The following CLK3 variants were observed in gnomAD, a reference collection of about 807,000 sequenced individuals.
The protein encoded by CLK3 is dual specificity protein kinase CLK3.
In CLK3, 24 loss-of-function variants were observed where a neutral mutation model predicts 65.2. That is an observed-to-expected ratio of 0.37 (90% CI 0.27 to 0.52). The LOEUF (loss-of-function observed/expected upper bound fraction) is 0.52. CLK3 is among the 20% of genes least tolerant of loss of function. CLK3 has a pLI of 0.92. For missense variants in CLK3, 506 were observed against 660.0 expected (o/e 0.77, Z 2.56); for synonymous variants, 252 against 240.8 (o/e 1.05, Z -0.43).
At chr15:74,611,366 T>C (rs2061987126), upstream of CLK3, among the ~76,000 whole-genome samples, 1 of 152,214 alleles carries the variant, frequency 6.6e-6, no homozygotes, top group East Asian at 1.9e-4. Flanking sequence ...TCCTTTCAGC[T>C]ACAGAAAGCC....
In CLK3 at chr15:74,625,131, C is replaced by T. The variant is rs1316175831; in HGVS notation, c.650+113C>T. 6 of 758,298 alleles carry T rather than the reference C, an allele frequency of 7.9e-6. No homozygotes were observed. In the Admixed American group the frequency reaches 1.3e-4, roughly 17 times the overall value. The allele number at this position is 758,298 out of a possible 1,614,324, so 47.0% of individuals were successfully genotyped here. ...CTGTGCCTTCTCCCCACACTCAGAACCAGGGGAGTGTGGCAAAGGTCTTGC... is the reference window on the plus strand; with the variant it reads ...CTGTGCCTTCTCCCCACACTCAGAATCAGGGGAGTGTGGCAAAGGTCTTGC... On this transcript the variant is annotated intron_variant, in intron 6 of 12. Coordinates refer to ENST00000395066, the MANE Select transcript of CLK3 (RefSeq NM_001130028.2).
intron 2 of CLK3, 134 bp downstream of exon 2, chr15:74,619,482 C>A: frequency 1.1e-6 from 1 of 885,706 alleles, no homozygotes; most frequent in Non-Finnish European, 1.7e-6. Context: ...CTTTGGGCTC[C>A]TCCACTAACC....
At chr15:74,617,658 G>C (rs12441932) in intron 1 of CLK3, among the ~76,000 whole-genome samples, 40,066 of 152,162 alleles carry the variant, frequency 0.26, 7,218 homozygotes, top group East Asian at 0.54. Flanking sequence ...AGTCTTTGGC[G>C]TGGTGTGACT....
upstream of CLK3, among the ~76,000 whole-genome samples, chr15:74,614,601 C>T (rs972380034): frequency 5.3e-5 from 8 of 152,236 alleles, no homozygotes; most frequent in African/African-American, 1.9e-4. Context: ...CAAATCACGC[C>T]TTGAAACCCC....
chr15:74,615,579 G>T (rs1039864183), upstream of CLK3: 2 of 1,265,680 alleles, frequency 1.6e-6, no homozygotes, highest in Non-Finnish European at 2.0e-6. Context: ...CAGCCGGCCC[G>T]GGCCGCGCAC....
intron 12 of CLK3, 117 bp downstream of exon 12, chr15:74,629,149 T>C (rs2062170967): frequency 1.2e-6 from 1 of 821,220 alleles, no homozygotes; most frequent in Non-Finnish European, 2.1e-6. Flanking sequence ...TCCAGCTCTA[T>C]GGGAGGCGGC....
chr15:74,610,168 C>G (rs1046676551), intron 1 of CLK3, among the ~76,000 whole-genome samples: 3 of 152,286 alleles, frequency 2.0e-5, no homozygotes, highest in Admixed American at 6.5e-5. Context: ...GGCCAACAGG[C>G]TGTTGGGTCA....
At chr15:74,620,396 G>A in intron 3 of CLK3, 171 bp downstream of exon 3, 1 of 890,990 alleles carries the variant, frequency 1.1e-6, no homozygotes, top group Non-Finnish European at 1.7e-6. Context: ...CTGATCACAG[G>A]GTCCTGGCCT....
Position 74,621,906 on chromosome 15 carries a change from AAGTC to A in CLK3, c.370-210_370-207del. On this transcript the variant is annotated intron_variant, in intron 3 of 12. Transcript: ENST00000395066. The surrounding 1 kb of genome is among the most constrained non-coding windows in gnomAD (Gnocchi z 4.8). The stretch of plus-strand genomic sequence containing the variant: ...AGCTGTTTTTACTTTTCTGTTTTTG[AAGTC>A]AGTTTGTGTCTTGACGTGTCCCTTG... The A allele has an allele frequency of 1.6e-6, 1 of 620,512 alleles. No homozygotes were observed. The highest frequency in any genetic ancestry group is 1.5e-5 in the South Asian group (1 of 64,846). 38.4% of individuals were successfully genotyped at this position (620,512 alleles called of 1,614,324 possible).
rs1008766407 is a variant in CLK3, at chr15:74,621,180, G to C, written c.370-940G>C. The C allele has an allele frequency of 6.6e-6, 1 of 152,620 alleles. No homozygotes were observed. The highest frequency in any genetic ancestry group is 1.5e-5 in the Non-Finnish European group (1 of 68,344). 9.5% of individuals were successfully genotyped at this position (152,620 alleles called of 1,614,324 possible). On this transcript the variant is annotated intron_variant, in intron 3 of 12. Coordinates refer to ENST00000395066, the MANE Select transcript of CLK3 (RefSeq NM_001130028.2). The surrounding 1 kb of genome is among the most constrained non-coding windows in gnomAD (Gnocchi z 4.8). ...GCTACAGGTTGAGGGTTGACTGTGC[G>C]GGCGATTGCAGCGTGGCCCTTTCAC... is the stretch of plus-strand genomic sequence containing the variant.
At chr15:74,623,707 T>G (rs2062121695) in intron 5 of CLK3, 1 of 152,196 alleles carries the variant, frequency 6.6e-6, no homozygotes, top group Non-Finnish European at 1.5e-5. Flanking sequence ...TCTCAGGAGC[T>G]GGAGGGAAAA....
At chr15:74,629,212 G>T (rs2062171862) in intron 12 of CLK3, 180 bp downstream of exon 12, 1 of 704,124 alleles carries the variant, frequency 1.4e-6, no homozygotes, top group Non-Finnish European at 2.6e-6. Context: ...TGCCCCAGAG[G>T]GGCCCTTAGC....
chr15:74,615,234 A>G (rs2062042282), upstream of CLK3: 7 of 412,402 alleles, frequency 1.7e-5, no homozygotes, highest in East Asian at 2.1e-4. Flanking sequence ...TCCTCCCTCC[A>G]GACTCCGGCC....
Position 74,624,758 on chromosome 15 carries a change from C to T in CLK3, c.534-144C>T. 4.6e-6 allele frequency: 3 copies of T among 649,996 alleles called. No individual in the cohort carries two copies. In the South Asian group the frequency reaches 5.3e-5, roughly 11 times the overall value. The allele number at this position is 649,996 out of a possible 1,614,324, so 40.3% of individuals were successfully genotyped here. A position where few individuals can be genotyped will look rare whatever the true frequency, so the allele number is the denominator to read the frequency against. On this transcript the variant is annotated intron_variant, in intron 5 of 12. Coordinates refer to ENST00000395066, the MANE Select transcript of CLK3 (RefSeq NM_001130028.2). The surrounding 1 kb of genome is among the most constrained non-coding windows in gnomAD (Gnocchi z 4.2). ...GGCAAAGGTCTGGTGTTGCATGGGG[C>T]AGGCTGGGCATCCAGTATCTGCTCT...
At chr15:74,612,637 G>C (rs556562910), upstream of CLK3, among the ~76,000 whole-genome samples, 1 of 152,162 alleles carries the variant, frequency 6.6e-6, no homozygotes, top group East Asian at 1.9e-4. Context: ...ACTCAGGATG[G>C]CACCATCGCC....
At chr15:74,612,830 A>G (rs1256580432), upstream of CLK3, among the ~76,000 whole-genome samples, 2 of 152,152 alleles carry the variant, frequency 1.3e-5, no homozygotes, top group Non-Finnish European at 2.9e-5. Flanking sequence ...CAGCTCCCAC[A>G]ATGCCACTCT....
intron 1 of CLK3, among the ~76,000 whole-genome samples, chr15:74,617,185 A>G (rs1176986125): frequency 6.6e-6 from 1 of 152,168 alleles, no homozygotes; most frequent in Non-Finnish European, 1.5e-5. Flanking sequence ...TCCATTTTCC[A>G]GGCATGCTAA....
intron 6 of CLK3, among the ~76,000 whole-genome samples, chr15:74,625,265 G>GAATT (rs2062134789): frequency 6.6e-6 from 1 of 152,150 alleles, no homozygotes; most frequent in African/African-American, 2.4e-5. Flanking sequence ...GGGTTATGCT[G>GAATT]GGCATAAAAC....
At chr15:74,612,306 CCT>C (rs1179261826), upstream of CLK3, among the ~76,000 whole-genome samples, 1 of 152,298 alleles carries the variant, frequency 6.6e-6, no homozygotes, top group East Asian at 1.9e-4. Flanking sequence ...TGCTCAGGTA[CCT>C]CTCTGGCTTC....
Sources: allele counts gnomAD v4.1 joint callset (sites outside exome capture counted in the v4.1 genomes callset), GRCh38; gene constraint gnomAD v4.1.1; non-coding constraint Gnocchi (gnomAD v3.1); transcripts MANE v1.5; gene names NCBI Gene and HGNC (gene_info 2026-07-23, HGNC 2026-07-21).